CEP192: variants seen among roughly 807,000 people sequenced by gnomAD.
CEP192 encodes the protein centrosomal protein 192.
In CEP192, 151 loss-of-function variants were observed where a neutral mutation model predicts 271.8. The ratio of observed to expected loss-of-function variants is 0.56; its 90% CI spans 0.49 to 0.64. The LOEUF is 0.64. CEP192 is among the 30% of genes least tolerant of loss of function. The probability of loss-of-function intolerance (pLI) is 0.00; values close to 1 mark genes in which losing one functional copy is unlikely to be tolerated. For synonymous variants in CEP192, 995 were observed against 1,076.5 expected, an observed-to-expected ratio of 0.92 and a Z score of 1.48; for missense variants, 2,910 against 3,020.5, an observed-to-expected ratio of 0.96 and a Z score of 0.86.
At position 12,996,215 on chromosome 18, in the gene CEP192, G is replaced by A. The variant is rs113917749; in HGVS notation, c.-4-3206G>A. ...TGACCAAGGTCATAGCAGGGTTGGGGGGTAGGTTGGGGGGATGCAGCAAGG... is the reference window on the plus strand; with the variant it reads ...TGACCAAGGTCATAGCAGGGTTGGGAGGTAGGTTGGGGGGATGCAGCAAGG... On this transcript the variant is annotated intron_variant, in intron 1 of 44. Coordinates refer to ENST00000506447, the MANE Select transcript of CEP192 (RefSeq NM_032142.4). 1.5e-3 allele frequency among the ~76,000 whole-genome samples: 216 copies of A among 148,000 alleles called. 1 individual carries two copies. In the Middle Eastern group the frequency reaches 0.02, roughly 14 times the overall value.
At chr18:13,104,519 G>A (rs1487107761) in intron 39 of CEP192, among the ~76,000 whole-genome samples, 1 of 152,146 alleles carries the variant, frequency 6.6e-6, no homozygotes. Flanking sequence ...GGCTGAGGTG[G>A]GAGGATCGCT....
chr18:13,009,642 G>A (rs1163576097), intron 4 of CEP192, among the ~76,000 whole-genome samples: 2 of 152,030 alleles, frequency 1.3e-5, no homozygotes, highest in African/African-American at 4.8e-5. Flanking sequence ...AGACTAGCCT[G>A]GCCAACATGG....
intron 30 of CEP192, 75 bp downstream of exon 30, chr18:13,073,260 T>G: frequency 7.9e-7 from 1 of 1,264,676 alleles, no homozygotes; most frequent in South Asian, 1.5e-5. Flanking sequence ...ATGTTGTAAA[T>G]TATACAGTCT....
intron 36 of CEP192, among the ~76,000 whole-genome samples, chr18:13,097,652 T>A (rs8098631): frequency 0.32 from 38,770 of 119,624 alleles, 5,757 homozygotes; most frequent in Admixed American, 0.42. Context: ...AACTATTATT[T>A]TTTTTTTTTT....
chr18:13,070,064 G>A (rs1598506578), intron 27 of CEP192, among the ~76,000 whole-genome samples: 1 of 152,236 alleles, frequency 6.6e-6, no homozygotes, highest in South Asian at 2.1e-4. Flanking sequence ...AGGAGGCTGA[G>A]GCAGGAGAGT....
chr18:13,016,021 C>T (rs1221628015), intron 6 of CEP192, among the ~76,000 whole-genome samples: 1 of 152,178 alleles, frequency 6.6e-6, no homozygotes, highest in East Asian at 1.9e-4. Flanking sequence ...GTTGGGATTA[C>T]AGGCGTGAGC....
In CEP192 at chr18:13,001,571, C is replaced by T. The variant is rs1363991443; in HGVS notation, c.279C>T (p.Phe93=). 2 of 1,547,756 alleles carry T rather than the reference C, an allele frequency of 1.3e-6. No individual in the cohort carries two copies. Among genetic ancestry groups the T allele is most frequent in the Non-Finnish European group, 1.7e-6 (2 of 1,145,882 alleles). ...CAAGAGAGAGGTTACAGCTTAGCTT[C>T]CAGGATGATGAGTAAGTTCATACCT... ...AEPRERLQLS[F]QDDDSISRKK... is the part of the protein sequence containing the mutation. The change falls in exon 3 of 45, where the codon TTC becomes TTT. Residue 93 remains phenylalanine, a synonymous_variant. Transcript: ENST00000506447.
chr18:13,083,492 G>T (rs1164698508), intron 30 of CEP192, among the ~76,000 whole-genome samples: 1 of 152,170 alleles, frequency 6.6e-6, no homozygotes, highest in Non-Finnish European at 1.5e-5. Context: ...TCTCTGTGAT[G>T]TTTATTCTAG....
intron 4 of CEP192, among the ~76,000 whole-genome samples, chr18:13,010,878 A>G (rs889564664): frequency 6.6e-6 from 1 of 152,002 alleles, no homozygotes; most frequent in Admixed American, 6.6e-5. Flanking sequence ...ACAAATGGCC[A>G]GTAAACACAT....
At chr18:13,004,348 G>A (rs1298271586) in intron 3 of CEP192, among the ~76,000 whole-genome samples, 1 of 151,908 alleles carries the variant, frequency 6.6e-6, no homozygotes, top group Non-Finnish European at 1.5e-5. Context: ...CGTGATAATA[G>A]GAATAATCTC....
chr18:13,016,650 A>G (rs968438204), intron 6 of CEP192, among the ~76,000 whole-genome samples: 1 of 152,132 alleles, frequency 6.6e-6, no homozygotes, highest in Non-Finnish European at 1.5e-5. Context: ...CTTAATGTTG[A>G]TTGCAAAATT....
In CEP192 at chr18:13,049,378, T is replaced by C. The variant is rs1568334145; in HGVS notation, c.2587T>C (p.Ser863Pro). Residue 863 changes from serine (S) to proline (P), a missense_variant, in exon 16 of 45, where the codon TCC becomes CCC. Coordinates refer to ENST00000506447, the MANE Select transcript of CEP192 (RefSeq NM_032142.4). Reference sequence around the variant, plus strand: ...TCAAGAGTCATTTAGAACCATAAACTCCTCAAATTCAGTTACAAATAGAGA... The same window carrying C: ...TCAAGAGTCATTTAGAACCATAAACCCCTCAAATTCAGTTACAAATAGAGA... ...ENQESFRTIN[S>P]SNSVTNRENN... 6.2e-7 allele frequency: 1 copy of C among 1,614,166 alleles called. No homozygotes were observed.
intron 40 of CEP192, among the ~76,000 whole-genome samples, chr18:13,111,771 C>T (rs1047910874): frequency 6.6e-6 from 1 of 152,078 alleles, no homozygotes; most frequent in Non-Finnish European, 1.5e-5. Context: ...CTCTTACAAC[C>T]CAGTAAAAAG....
intron 9 of CEP192, 73 bp downstream of exon 9, chr18:13,019,279 G>GT (rs980881905): frequency 1.3e-5 from 16 of 1,254,370 alleles, no homozygotes; most frequent in Non-Finnish European, 1.5e-5. Context: ...TATGATATCA[G>GT]TTTTTTTCAA....
rs112834670 is a variant in CEP192, at chr18:13,050,992, C to T, written c.3017+1101C>T. ...AGTCTTTGGCTTACACGTTTTTTCCCTTATGTTTCTTATAGGTATTGCTTT... is the reference window on the plus strand; with the variant it reads ...AGTCTTTGGCTTACACGTTTTTTCCTTTATGTTTCTTATAGGTATTGCTTT... On this transcript the variant is annotated intron_variant, in intron 17 of 44. Transcript: ENST00000506447. Among the ~76,000 whole-genome samples the T allele has an allele frequency of 1.4e-3, 219 of 152,270 alleles. 1 individual carries two copies. The Middle Eastern group carries it at 0.02, about 14-fold the overall frequency.
intron 17 of CEP192, 63 bp from the exon 18 acceptor site, chr18:13,052,856 T>C: frequency 7.6e-7 from 1 of 1,308,100 alleles, no homozygotes; most frequent in Non-Finnish European, 1.0e-6. Context: ...GGAATGGTTT[T>C]TTGCTAATGT....
chr18:13,089,362 G>T (rs2039036547), intron 32 of CEP192, 94 bp from the exon 33 acceptor site: 1 of 614,416 alleles, frequency 1.6e-6, no homozygotes, highest in African/African-American at 1.9e-5. Context: ...ATCAGTATTA[G>T]TGGGATTTGC....
chr18:13,081,832 A>G (rs2038626878), intron 30 of CEP192, among the ~76,000 whole-genome samples: 2 of 152,164 alleles, frequency 1.3e-5, no homozygotes, highest in African/African-American at 2.4e-5. Context: ...TTCAAAGAAC[A>G]TCTTTATTTC....
intron 40 of CEP192, among the ~76,000 whole-genome samples, chr18:13,111,051 A>G (rs940529683): frequency 1.3e-5 from 2 of 152,170 alleles, no homozygotes; most frequent in Non-Finnish European, 2.9e-5. Context: ...ACCCTCATAG[A>G]CACACCCAGA....
Sources: allele counts gnomAD v4.1 joint callset (sites outside exome capture counted in the v4.1 genomes callset), GRCh38; gene constraint gnomAD v4.1.1; transcripts MANE v1.5; gene names NCBI Gene and HGNC (gene_info 2026-07-23, HGNC 2026-07-21).